The following SRCIN1 variants were observed in gnomAD, a reference collection of about 807,000 sequenced individuals.
SRCIN1 encodes P130Cas-associated protein.
SRCIN1 carries 50 observed loss-of-function variants against 116.2 expected under a neutral mutation model. The ratio of observed to expected loss-of-function variants is 0.43; its 90% CI spans 0.34 to 0.54. The LOEUF (loss-of-function observed/expected upper bound fraction) is 0.54. SRCIN1 is among the 20% of genes least tolerant of loss of function. The probability of loss-of-function intolerance (pLI) is 0.02; values close to 1 mark genes in which losing one functional copy is unlikely to be tolerated. For synonymous variants in SRCIN1, 736 were observed against 750.0 expected, an observed-to-expected ratio of 0.98 and a Z score of 0.30; for missense variants, 1,446 against 1,672.0, an observed-to-expected ratio of 0.86 and a Z score of 2.36.
intron 18 of SRCIN1, among the ~76,000 whole-genome samples, chr17:38,539,413 C>T: frequency 6.6e-6 from 1 of 152,198 alleles, no homozygotes; most frequent in Non-Finnish European, 1.5e-5. Context: ...CTGCCGTGCT[C>T]TGTACCCTGA....
rs541610910 is a variant in SRCIN1 at position 38,535,033 on chromosome 17, G to A, written c.3418-1602C>T. On this transcript the variant is annotated intron_variant, in intron 18 of 18. Coordinates refer to ENST00000617146, the MANE Select transcript of SRCIN1 (RefSeq NM_025248.3). ...TGTGGTTCCAGCTTCTCTGGAGGCT[G>A]AGGTGGGAGAATGGCCTGAGCTCAG... 7.2e-4 allele frequency among the ~76,000 whole-genome samples: 109 copies of A among 152,244 alleles called. 1 individual carries two copies. In the South Asian group the frequency reaches 7.3e-3, roughly 10 times the overall value.
At chr17:38,587,230 G>T (rs2143380596) in intron 1 of SRCIN1, among the ~76,000 whole-genome samples, 1 of 152,168 alleles carries the variant, frequency 6.6e-6, no homozygotes, top group South Asian at 2.1e-4. Context: ...GTGGGGTCCT[G>T]GGGACTCTCA....
At chr17:38,593,007 T>C (rs923517342) in intron 1 of SRCIN1, among the ~76,000 whole-genome samples, 2 of 152,140 alleles carry the variant, frequency 1.3e-5, no homozygotes, top group Non-Finnish European at 2.9e-5. Flanking sequence ...TTGCTGTCCC[T>C]GAAGGTACTG....
At position 38,578,539 on chromosome 17, in the gene SRCIN1, G is replaced by A; in HGVS notation, c.275C>T (p.Pro92Leu). ...AFMDHLKSKY[P>L]QHALALRGQQ... ...GCCTCGCAGGGCCAGGGCGTGCTGTGGGTACTTGCTCTTCAGGTGGTCCAT... is the reference window on the plus strand; with the variant it reads ...GCCTCGCAGGGCCAGGGCGTGCTGTAGGTACTTGCTCTTCAGGTGGTCCAT... Residue 92 changes from proline to leucine, a missense_variant, in exon 2 of 19, where the codon CCA becomes CTA. By Grantham distance (98) the Pro-to-Leu change is moderately conservative. Around this residue, in one of 5 missense-constraint regions of SRCIN1, gnomAD observed 246 missense variants for 265.1 expected, o/e 0.93. Transcript: ENST00000617146. 2 of 1,601,140 alleles carry A rather than the reference G, an allele frequency of 1.2e-6. No homozygotes were observed. The highest frequency in any genetic ancestry group is 1.7e-6 in the Non-Finnish European group (2 of 1,169,628).
Position 38,544,421 on chromosome 17 carries a change from G to A in SRCIN1, c.3271-452C>T, listed in dbSNP as rs139813362. On this transcript the variant is annotated intron_variant, in intron 17 of 18. Transcript: ENST00000617146. The surrounding 1 kb of genome is among the most constrained non-coding windows in gnomAD (Gnocchi z 4.5). ...GCCCACATCCTCCTCCTAAGGGGAG[G>A]ATGCAGGTGAGGTCTCCCTAGGGAT... Among the ~76,000 whole-genome samples the A allele has an allele frequency of 3.4e-3, 525 of 152,188 alleles. 2 individuals are homozygous for A. Among genetic ancestry groups the A allele is most frequent in the Non-Finnish European group, 4.5e-3 (303 of 67,970 alleles).
chr17:38,534,160 C>A (rs2040967764), intron 18 of SRCIN1, among the ~76,000 whole-genome samples: 3 of 152,344 alleles, frequency 2.0e-5, no homozygotes, highest in East Asian at 1.9e-4. Flanking sequence ...GACCCCTCAT[C>A]CTCCTCCCAC....
At chr17:38,546,090 TCCCTGG>T (rs1164707497) in intron 17 of SRCIN1, among the ~76,000 whole-genome samples, 1 of 152,164 alleles carries the variant, frequency 6.6e-6, no homozygotes, top group Admixed American at 6.5e-5. Context: ...GGTGCCAGCA[TCCCTGG>T]CCCTGGCCTC....
chr17:38,552,042 G>T lies in SRCIN1; in HGVS notation c.2571C>A (p.Ser857Arg). ...TGGGGGGTGGCATTTCGAAGTCCACGCTCTTGTTGAAGTCAGTCTCTGCCG... is the reference window on the plus strand; with the variant it reads ...TGGGGGGTGGCATTTCGAAGTCCACTCTCTTGTTGAAGTCAGTCTCTGCCG... ...KVTAETDFNKSVDFEMPPPSP... is the reference protein window; with the variant it reads ...KVTAETDFNKRVDFEMPPPSP... Residue 857 changes from serine (S) to arginine (R), a missense_variant, in exon 14 of 19, where the codon AGC becomes AGA. This residue lies in a region of SRCIN1 where 531 missense variants were observed against 633.9 expected (regional missense o/e 0.84). Coordinates refer to ENST00000617146, the MANE Select transcript of SRCIN1 (RefSeq NM_025248.3). This position sits in a 1 kb window ranked among gnomAD's most constrained non-coding sequence, Gnocchi z 5.3. The T allele has an allele frequency of 6.2e-7, 1 of 1,613,806 alleles. No homozygotes were observed. Among genetic ancestry groups the T allele is most frequent in the South Asian group, 1.1e-5 (1 of 91,088 alleles).
intron 1 of SRCIN1, among the ~76,000 whole-genome samples, chr17:38,601,638 GCA>G (rs35202404): frequency 1.1e-4 from 15 of 137,760 alleles, no homozygotes; most frequent in South Asian, 2.2e-4. Context: ...ACACACACAC[GCA>G]CACACACACA....
intron 18 of SRCIN1, among the ~76,000 whole-genome samples, chr17:38,540,113 GGGGTGTCCA>G (rs780366898): frequency 3.9e-5 from 6 of 151,980 alleles, no homozygotes; most frequent in Non-Finnish European, 8.8e-5. Context: ...AATAGAAGAG[GGGGTGTCCA>G]TAGCTTCAGG....
chr17:38,567,959 G>A (rs1012002460), intron 3 of SRCIN1, among the ~76,000 whole-genome samples: 2 of 152,180 alleles, frequency 1.3e-5, no homozygotes, highest in Admixed American at 6.5e-5. Context: ...GATGCCTGGG[G>A]ACTGAGCATC....
chr17:38,594,117 A>G (rs1245633689), intron 1 of SRCIN1, among the ~76,000 whole-genome samples: 5 of 152,148 alleles, frequency 3.3e-5, no homozygotes. Context: ...ACTGCCCCTG[A>G]GCCCACCCTG....
upstream of SRCIN1, chr17:38,606,065 G>T (rs1397105631): frequency 6.7e-6 from 1 of 148,920 alleles, no homozygotes; most frequent in Non-Finnish European, 1.5e-5. The surrounding 1 kb of genome is among the most constrained non-coding windows in gnomAD (Gnocchi z 5.2). Flanking sequence ...GGGGGCGGGG[G>T]AGGGGAGGGG....
intron 1 of SRCIN1, among the ~76,000 whole-genome samples, chr17:38,588,495 C>T (rs369468800): frequency 2.0e-5 from 3 of 152,120 alleles, no homozygotes; most frequent in Admixed American, 6.6e-5. Flanking sequence ...GAACACAGGC[C>T]GAGCGGGAGG....
At chr17:38,559,421 G>A in intron 10 of SRCIN1, 164 bp downstream of exon 10, 1 of 689,516 alleles carries the variant, frequency 1.5e-6, no homozygotes, top group South Asian at 1.9e-5. Flanking sequence ...CAAGAAAGGG[G>A]AAGGGGAGAA....
At position 38,558,329 on chromosome 17, in the gene SRCIN1, G is replaced by C. The variant is rs752106712; in HGVS notation, c.2099C>G (p.Ala700Gly). 1 of 1,610,072 alleles carries C rather than the reference G, an allele frequency of 6.2e-7. No homozygotes were observed. Among genetic ancestry groups the C allele is most frequent in the Non-Finnish European group, 8.5e-7 (1 of 1,179,518 alleles). Residue 700 changes from alanine to glycine, a missense_variant, in exon 11 of 19, where the codon GCG becomes GGG. Physicochemically the swap from Ala to Gly is moderately conservative, Grantham distance 60 (BLOSUM62 0). Coordinates refer to ENST00000617146, the MANE Select transcript of SRCIN1 (RefSeq NM_025248.3). This position sits in a 1 kb window ranked among gnomAD's most constrained non-coding sequence, Gnocchi z 4.6. Reference sequence around the variant, plus strand: ...CAGCGGGTCCTCCTGCCGCCGCGCCGCCTCCGACACGCGCATGCTCAGCTC... The same window carrying C: ...CAGCGGGTCCTCCTGCCGCCGCGCCCCCTCCGACACGCGCATGCTCAGCTC... ...EAELSMRVSEAARRQEDPLQR... is the reference protein window; with the variant it reads ...EAELSMRVSEGARRQEDPLQR...
upstream of SRCIN1, among the ~76,000 whole-genome samples, chr17:38,606,518 C>G (rs887998136): frequency 2.0e-5 from 3 of 152,162 alleles, no homozygotes; most frequent in Admixed American, 2.0e-4. This position sits in a 1 kb window ranked among gnomAD's most constrained non-coding sequence, Gnocchi z 5.2. Flanking sequence ...CCGGCGCCCC[C>G]TGCTGGGCCG....
chr17:38,542,005 G>A (rs528225944), intron 18 of SRCIN1: 29 of 152,402 alleles, frequency 1.9e-4, no homozygotes, highest in Non-Finnish European at 3.4e-4. Flanking sequence ...TGGAGGCTGG[G>A]GAGAGGATGC....
rs1011905073 is a variant in SRCIN1 at position 38,543,956 on chromosome 17, C to G, written c.3284G>C (p.Ser1095Thr). 1.9e-6 allele frequency: 3 copies of G among 1,581,442 alleles called. No homozygotes were observed. The East Asian group carries it at 6.8e-5, about 36-fold the overall frequency. The change falls in exon 18 of 19, where the codon AGT (serine) becomes ACT (threonine). Residue 1095 changes from serine to threonine, a missense_variant. Transcript: ENST00000617146. ...IIAELESGGG[S>T]VPPMKVVTPG... The stretch of plus-strand genomic sequence containing the variant: ...AGTCACCACCTTCATGGGTGGTACA[C>G]TGCCTCCGCCACTCTGCAGGAAGAG...
Sources: allele counts gnomAD v4.1 joint callset (sites outside exome capture counted in the v4.1 genomes callset), GRCh38; gene constraint gnomAD v4.1.1; regional missense constraint gnomAD v4.1.1; non-coding constraint Gnocchi (gnomAD v3.1); transcripts MANE v1.5; gene names NCBI Gene and HGNC (gene_info 2026-07-23, HGNC 2026-07-21).